The following NALF1 variants were observed in gnomAD, a reference collection of about 807,000 sequenced individuals.
NALF1 encodes the protein family with sequence similarity 155 member A.
A neutral mutation model predicts 48.4 loss-of-function variants in NALF1; 3 were observed. The ratio of observed to expected loss-of-function variants is 0.06; its 90% CI spans 0.03 to 0.16. The LOEUF (loss-of-function observed/expected upper bound fraction) is 0.16. NALF1 is among the 10% of genes least tolerant of loss of function. The pLI, the probability that NALF1 is intolerant of heterozygous loss-of-function variation, is 1.00. For synonymous variants in NALF1, 262 were observed against 245.7 expected (o/e 1.07, Z -0.62); for missense variants, 526 against 571.5 (o/e 0.92, Z 0.81).
chr13:107,815,107 C>A (rs919561695), intron 1 of NALF1, among the ~76,000 whole-genome samples: 1 of 152,030 alleles, frequency 6.6e-6, no homozygotes, highest in African/African-American at 2.4e-5. Context: ...AATGGTTTCT[C>A]AGTTATGACT....
At chr13:107,569,498 C>T (rs1388210344) in intron 1 of NALF1, among the ~76,000 whole-genome samples, 2 of 152,006 alleles carry the variant, frequency 1.3e-5, no homozygotes, top group African/African-American at 2.4e-5. Flanking sequence ...AAAGGGCTAC[C>T]CCTCATCCAC....
At chr13:107,618,654 T>G (rs1879443874) in intron 1 of NALF1, among the ~76,000 whole-genome samples, 1 of 152,110 alleles carries the variant, frequency 6.6e-6, no homozygotes, top group South Asian at 2.1e-4. Flanking sequence ...TTTGGAGGAT[T>G]TGCTGGAAGA....
chr13:107,370,266 G>A (rs1350491089), intron 1 of NALF1, among the ~76,000 whole-genome samples: 3 of 152,210 alleles, frequency 2.0e-5, no homozygotes, highest in African/African-American at 2.4e-5. Context: ...TGCAGTGGAT[G>A]AATCAGCACT....
chr13:107,650,755 G>C (rs1197585639), intron 1 of NALF1, among the ~76,000 whole-genome samples: 1 of 152,080 alleles, frequency 6.6e-6, no homozygotes, highest in African/African-American at 2.4e-5. Flanking sequence ...TAAAGAAAGA[G>C]ATCATGTCTT....
Position 107,210,611 on chromosome 13 carries a change from C to G in NALF1, c.1060G>C (p.Gly354Arg). 1 of 1,613,430 alleles carries G rather than the reference C, an allele frequency of 6.2e-7. No homozygotes were observed. The highest frequency in any genetic ancestry group is 8.5e-7 in the Non-Finnish European group (1 of 1,179,460). ...GTACAGATGAAACTGGAGAGGCCTC[C>G]GTAGATGACTTCATCATTGTCGGGC... The part of the protein sequence containing the change: ...ILPDNDEVIY[G>R]GLSSFICTGL... Residue 354 changes from glycine (G) to arginine (R), a missense_variant, in exon 2 of 3, where the codon GGA (glycine) becomes CGA (arginine). Gly to Arg is a moderately radical substitution (Grantham distance 125). Coordinates refer to ENST00000375915, the MANE Select transcript of NALF1 (RefSeq NM_001080396.3).
chr13:107,477,041 A>G (rs1885185515), intron 1 of NALF1, among the ~76,000 whole-genome samples: 2 of 152,156 alleles, frequency 1.3e-5, no homozygotes. Context: ...TGAGTCAATA[A>G]AAAGTCTAGT....
At chr13:107,594,319 T>C (rs1047876477) in intron 1 of NALF1, among the ~76,000 whole-genome samples, 2 of 152,128 alleles carry the variant, frequency 1.3e-5, no homozygotes, top group Non-Finnish European at 2.9e-5. Flanking sequence ...CAAAGATGAA[T>C]TGATTTATGA....
At chr13:107,371,498 A>C (rs1001474127) in intron 1 of NALF1, among the ~76,000 whole-genome samples, 2 of 152,164 alleles carry the variant, frequency 1.3e-5, no homozygotes, top group South Asian at 4.1e-4. Flanking sequence ...ATATCATCAC[A>C]GTGAAAACCC....
At chr13:107,540,824 C>G (rs906634519) in intron 1 of NALF1, among the ~76,000 whole-genome samples, 1 of 152,000 alleles carries the variant, frequency 6.6e-6, no homozygotes, top group Non-Finnish European at 1.5e-5. Flanking sequence ...TATTCCTAAA[C>G]AAGAAACTTT....
chr13:107,808,561 G>T (rs1176334114), intron 1 of NALF1, among the ~76,000 whole-genome samples: 3 of 151,694 alleles, frequency 2.0e-5, no homozygotes, highest in Non-Finnish European at 2.9e-5. Context: ...CAGAAACACT[G>T]ATGACTCGAG....
intron 1 of NALF1, among the ~76,000 whole-genome samples, chr13:107,635,315 A>C (rs2138452463): frequency 6.6e-6 from 1 of 152,220 alleles, no homozygotes; most frequent in African/African-American, 2.4e-5. Flanking sequence ...CAGAAGGGGC[A>C]GCAAACATGT....
chr13:107,538,356 T>C (rs1304140065), intron 1 of NALF1, among the ~76,000 whole-genome samples: 1 of 152,108 alleles, frequency 6.6e-6, no homozygotes, highest in South Asian at 2.1e-4. Context: ...AATCCCCCCT[T>C]ACCCACAAAG....
intron 1 of NALF1, among the ~76,000 whole-genome samples, chr13:107,631,609 C>A (rs1204410448): frequency 6.6e-6 from 1 of 152,004 alleles, no homozygotes; most frequent in Non-Finnish European, 1.5e-5. Context: ...GAAGCATGAA[C>A]AACCAGGATG....
intron 1 of NALF1, among the ~76,000 whole-genome samples, chr13:107,775,768 T>C (rs990748309): frequency 1.1e-4 from 16 of 152,234 alleles, no homozygotes; most frequent in African/African-American, 1.7e-4. Flanking sequence ...CATTTAATGA[T>C]TGCCATTTAT....
intron 1 of NALF1, among the ~76,000 whole-genome samples, chr13:107,272,741 T>C (rs1253003153): frequency 6.6e-6 from 1 of 152,210 alleles, no homozygotes; most frequent in Non-Finnish European, 1.5e-5. Context: ...AAGGTAGTAT[T>C]CATTTCACAG....
At chr13:107,480,151 A>G (rs914153043) in intron 1 of NALF1, among the ~76,000 whole-genome samples, 8 of 152,180 alleles carry the variant, frequency 5.3e-5, no homozygotes, top group Non-Finnish European at 1.5e-5. Flanking sequence ...AAAATCTAAC[A>G]TTTTTAAGCA....
At chr13:107,626,352 T>C (rs1234471546) in intron 1 of NALF1, among the ~76,000 whole-genome samples, 3 of 152,092 alleles carry the variant, frequency 2.0e-5, no homozygotes, top group African/African-American at 4.8e-5. Flanking sequence ...CAGAACAGTA[T>C]GAAAGTTCCT....
At chr13:107,721,471 T>C (rs533410740) in intron 1 of NALF1, among the ~76,000 whole-genome samples, 1 of 152,250 alleles carries the variant, frequency 6.6e-6, no homozygotes, top group South Asian at 2.1e-4. Flanking sequence ...ATGGAGCAGG[T>C]AAAATTATTT....
chr13:107,569,378 A>G (rs1877912926), intron 1 of NALF1, among the ~76,000 whole-genome samples: 2 of 152,058 alleles, frequency 1.3e-5, no homozygotes, highest in Admixed American at 1.3e-4. Flanking sequence ...ACGCTGAGGC[A>G]GGAGAATGAC....
Sources: gnomAD v4.1 joint callset for allele counts (sites outside exome capture counted in the v4.1 genomes callset) on GRCh38, gnomAD v4.1.1 for gene constraint, MANE v1.5 for transcripts, NCBI Gene and HGNC (gene_info 2026-07-23, HGNC 2026-07-21) for gene names.